Variants in SMYD3 observed in about 807,000 individuals in gnomAD.
SMYD3 encodes SET and MYND domain containing 3, also known as histone-lysine N-methyltransferase SMYD3.
In SMYD3, 36 loss-of-function variants were observed where a neutral mutation model predicts 57.7. The ratio of observed to expected loss-of-function variants is 0.62; its 90% CI spans 0.48 to 0.82. SMYD3 has a LOEUF of 0.82. Ranked by LOEUF, SMYD3 falls within the 40% of genes least tolerant of loss-of-function variation. The pLI is 0.00. For synonymous variants in SMYD3, 211 were observed against 195.0 expected (o/e 1.08, Z -0.68); for missense variants, 515 against 538.8 (o/e 0.96, Z 0.44).
intron 9 of SMYD3, among the ~76,000 whole-genome samples, chr1:245,860,209 C>T (rs888846771): frequency 6.6e-6 from 1 of 152,100 alleles, no homozygotes; most frequent in African/African-American, 2.4e-5. Context: ...CTTTACAATC[C>T]ATGCTCTCTG....
chr1:246,019,708 T>C (rs1483838143), intron 5 of SMYD3, among the ~76,000 whole-genome samples: 3 of 152,224 alleles, frequency 2.0e-5, no homozygotes, highest in South Asian at 2.1e-4. Flanking sequence ...GAAAGAAAAA[T>C]GTAATTATTA....
chr1:246,315,015 G>A (rs1019527086), intron 5 of SMYD3, among the ~76,000 whole-genome samples: 1 of 152,154 alleles, frequency 6.6e-6, no homozygotes, highest in African/African-American at 2.4e-5. Context: ...AAGGGCATTA[G>A]ACAGAACTCA....
intron 5 of SMYD3, among the ~76,000 whole-genome samples, chr1:246,119,381 T>C (rs548946811): frequency 6.6e-6 from 1 of 151,752 alleles, no homozygotes; most frequent in East Asian, 1.9e-4. Context: ...AAGTCCAAGC[T>C]GTAACTAAAA....
At chr1:246,209,423 G>A (rs908412810) in intron 5 of SMYD3, among the ~76,000 whole-genome samples, 1 of 151,978 alleles carries the variant, frequency 6.6e-6, no homozygotes, top group Non-Finnish European at 1.5e-5. Context: ...ACCAAAACTG[G>A]GATTCAGGGT....
chr1:246,397,656 G>T (rs1223951484), intron 1 of SMYD3, among the ~76,000 whole-genome samples: 1 of 152,130 alleles, frequency 6.6e-6, no homozygotes, highest in East Asian at 1.9e-4. Flanking sequence ...CTGATTCAGA[G>T]ACAACAGTAT....
rs899647083 is a variant in SMYD3, at chr1:245,885,793, C to A, written c.814-21907G>T. Reference sequence around the variant, plus strand: ...TACATAAAATTAAGGAGGTTAGTATCCACAATTTTTACAATGATTTTAACT... The same window carrying A: ...TACATAAAATTAAGGAGGTTAGTATACACAATTTTTACAATGATTTTAACT... On this transcript the variant is annotated intron_variant, in intron 8 of 11. Coordinates refer to ENST00000490107, the MANE Select transcript of SMYD3 (RefSeq NM_001167740.2). 2.6e-5 allele frequency among the ~76,000 whole-genome samples: 4 copies of A among 152,062 alleles called. No homozygotes were observed. The South Asian group carries it at 6.2e-4, about 24-fold the overall frequency.
intron 5 of SMYD3, among the ~76,000 whole-genome samples, chr1:246,195,829 C>T (rs1034589978): frequency 9.2e-5 from 14 of 152,166 alleles, no homozygotes; most frequent in African/African-American, 3.1e-4. Flanking sequence ...GGAAGCCCTA[C>T]GAACACTCAG....
In SMYD3 at chr1:246,285,197, G is replaced by A. The variant is rs1358947411; in HGVS notation, c.531+42004C>T. ...CCCTCATAGCTTAGCTCTCACTTAT[G>A]AGTGAGAACACACAATGTTTGGTTT... is the stretch of plus-strand genomic sequence containing the variant. On this transcript the variant is annotated intron_variant, in intron 5 of 11. Coordinates refer to ENST00000490107, the MANE Select transcript of SMYD3 (RefSeq NM_001167740.2). 4.6e-5 allele frequency among the ~76,000 whole-genome samples: 7 copies of A among 152,176 alleles called. No homozygotes were observed. In the South Asian group the frequency reaches 1.2e-3, roughly 27 times the overall value.
intron 5 of SMYD3, among the ~76,000 whole-genome samples, chr1:246,262,832 T>C (rs2064036422): frequency 6.6e-6 from 1 of 152,190 alleles, no homozygotes; most frequent in South Asian, 2.1e-4. Context: ...TTAAAACATG[T>C]ATTTTAAAAA....
chr1:245,897,108 A>G (rs1007876460), intron 8 of SMYD3, among the ~76,000 whole-genome samples: 1 of 152,264 alleles, frequency 6.6e-6, no homozygotes, highest in Non-Finnish European at 1.5e-5. Flanking sequence ...GCATTAAAGT[A>G]AAAAAGAAGT....
At chr1:245,825,080 TCAGCAGGAATGGACGTG>T (rs2049408042) in intron 10 of SMYD3, among the ~76,000 whole-genome samples, 1 of 151,956 alleles carries the variant, frequency 6.6e-6, no homozygotes, top group Non-Finnish European at 1.5e-5. Context: ...CGCCAAGAGC[TCAGCAGGAATGGACGTG>T]TTACTCTCAG....
intron 5 of SMYD3, among the ~76,000 whole-genome samples, chr1:246,247,761 A>G (rs1323685998): frequency 2.0e-5 from 3 of 152,072 alleles, no homozygotes; most frequent in Non-Finnish European, 4.4e-5. Flanking sequence ...TCTAGCTAAG[A>G]GTCACCTATT....
intron 5 of SMYD3, among the ~76,000 whole-genome samples, chr1:246,091,851 T>C (rs1219777842): frequency 6.6e-6 from 1 of 152,246 alleles, no homozygotes; most frequent in Non-Finnish European, 1.5e-5. Context: ...AGGTTTTTTA[T>C]ATAAACGTTT....
At chr1:246,098,696 A>C (rs2060957476) in intron 5 of SMYD3, among the ~76,000 whole-genome samples, 2 of 152,230 alleles carry the variant, frequency 1.3e-5, no homozygotes, top group African/African-American at 4.8e-5. Context: ...CATTGTATTT[A>C]GAAAGTCAGC....
Position 246,172,027 on chromosome 1 carries a change from T to G in SMYD3, c.531+155174A>C, listed in dbSNP as rs112244764. On this transcript the variant is annotated intron_variant, in intron 5 of 11. Coordinates refer to ENST00000490107, the MANE Select transcript of SMYD3 (RefSeq NM_001167740.2). ...CTTTATCTCATGAAGGAAAAGAAAGTTATGAAAGATAAAAATGGTATACCT... is the reference window on the plus strand; with the variant it reads ...CTTTATCTCATGAAGGAAAAGAAAGGTATGAAAGATAAAAATGGTATACCT... 1.6e-3 allele frequency among the ~76,000 whole-genome samples: 246 copies of G among 152,232 alleles called. 1 individual carries two copies. Among genetic ancestry groups the G allele is most frequent in the African/African-American group, 5.5e-3 (229 of 41,530 alleles).
intron 5 of SMYD3, among the ~76,000 whole-genome samples, chr1:246,173,157 C>T (rs1353827062): frequency 1.0e-4 from 14 of 139,372 alleles, no homozygotes; most frequent in African/African-American, 3.8e-4. Flanking sequence ...TTCTCTACTG[C>T]AGACTATCCA....
intron 10 of SMYD3, among the ~76,000 whole-genome samples, chr1:245,801,222 T>A (rs1391433655): frequency 1.3e-5 from 2 of 152,232 alleles, no homozygotes; most frequent in Non-Finnish European, 2.9e-5. Context: ...GCTAAACTTT[T>A]AAAAATGTGT....
chr1:246,335,342 T>C, intron 3 of SMYD3, 25 bp downstream of exon 3: 3 of 1,596,396 alleles, frequency 1.9e-6, no homozygotes, highest in Non-Finnish European at 2.6e-6. Context: ...AAAACCCAGC[T>C]ATATTTCATG....
rs577361315 is a variant in SMYD3, at chr1:246,167,534, G to A, written c.531+159667C>T. Among the ~76,000 whole-genome samples, 9 of 145,020 alleles carry A rather than the reference G, an allele frequency of 6.2e-5. No individual in the cohort carries two copies. In the East Asian group the frequency reaches 1.2e-3, roughly 19 times the overall value. On this transcript the variant is annotated intron_variant, in intron 5 of 11. Coordinates refer to ENST00000490107, the MANE Select transcript of SMYD3 (RefSeq NM_001167740.2). Reference sequence around the variant, plus strand: ...TTTCTTTTTTTTTTTTTTTGAAGACGGAGTCTCGCTCTGTGGCCCAGGCTG... The same window carrying A: ...TTTCTTTTTTTTTTTTTTTGAAGACAGAGTCTCGCTCTGTGGCCCAGGCTG...
Sources: gnomAD v4.1 joint callset for allele counts (sites outside exome capture counted in the v4.1 genomes callset) on GRCh38, gnomAD v4.1.1 for gene constraint, MANE v1.5 for transcripts, NCBI Gene and HGNC (gene_info 2026-07-23, HGNC 2026-07-21) for gene names.